Variants in MTDH observed in about 807,000 individuals in gnomAD.
The protein encoded by MTDH is protein LYRIC.
In MTDH, 34 loss-of-function variants were observed where a neutral mutation model predicts 72.7. The ratio of observed to expected loss-of-function variants is 0.47; its 90% CI spans 0.36 to 0.62. The LOEUF (loss-of-function observed/expected upper bound fraction) is 0.62, where lower values mean the gene tolerates loss of function less well. Ranked by LOEUF, MTDH falls within the 20% of genes least tolerant of loss-of-function variation. The pLI is 0.00. For missense variants in MTDH, 677 were observed against 699.4 expected (o/e 0.97, Z 0.36); for synonymous variants, 266 against 268.9 (o/e 0.99, Z 0.10).
chr8:97,644,763 C>G lies in MTDH; in HGVS notation c.257C>G (p.Pro86Arg), dbSNP rs761638291. 1 of 1,561,436 alleles carries G rather than the reference C, an allele frequency of 6.4e-7. No homozygotes were observed. The highest frequency in any genetic ancestry group is 1.2e-5 in the South Asian group (1 of 85,526). The change falls in exon 1 of 12, where the codon CCC (proline) becomes CGC (arginine). Residue 86 changes from proline (P) to arginine (R), a missense_variant. By Grantham distance (103) the Pro-to-Arg change is moderately radical. Transcript: ENST00000336273. ...GCCCGCAAAAAGCGGAGGAGCCCGC[C>G]CCGCAAGCGGGAGGAGGCGGCGGCC... ...AGARKKRRSP[P>R]RKREEAAAVP...
At chr8:97,694,527 T>TCAAA (rs1181049567) in intron 6 of MTDH, among the ~76,000 whole-genome samples, 1 of 152,154 alleles carries the variant, frequency 6.6e-6, no homozygotes, top group Non-Finnish European at 1.5e-5. Flanking sequence ...CCCTCAAAAA[T>TCAAA]CAAACACCAG....
chr8:97,651,438 A>C (rs2130913073), intron 1 of MTDH, among the ~76,000 whole-genome samples: 1 of 152,302 alleles, frequency 6.6e-6, no homozygotes. Flanking sequence ...AAAAGCACCC[A>C]AAAAATGCAA....
chr8:97,660,776 A>G (rs1354924729), intron 1 of MTDH, among the ~76,000 whole-genome samples: 1 of 152,126 alleles, frequency 6.6e-6, no homozygotes, highest in Non-Finnish European at 1.5e-5. Flanking sequence ...AATTGCAAAC[A>G]CAGTTTTGTT....
intron 3 of MTDH, 22 bp downstream of exon 3, chr8:97,686,774 C>G: frequency 1.3e-6 from 2 of 1,535,596 alleles, no homozygotes; most frequent in Non-Finnish European, 1.8e-6. Context: ...AGGGAAAGGA[C>G]TGTAGAAAAT....
chr8:97,648,300 A>G (rs1563517364), intron 1 of MTDH, among the ~76,000 whole-genome samples: 1 of 150,122 alleles, frequency 6.7e-6, no homozygotes, highest in East Asian at 2.0e-4. Flanking sequence ...TTTGGAAATT[A>G]TTATCTTGTA....
chr8:97,677,072 A>C (rs1172717392), intron 2 of MTDH, among the ~76,000 whole-genome samples: 1 of 145,004 alleles, frequency 6.9e-6, no homozygotes, highest in Non-Finnish European at 1.5e-5. Flanking sequence ...AGTCCCAGCT[A>C]CGTGGGAAGC....
intron 2 of MTDH, among the ~76,000 whole-genome samples, chr8:97,677,249 G>T (rs554842151): frequency 7.2e-6 from 1 of 139,412 alleles, no homozygotes; most frequent in African/African-American, 2.7e-5. Flanking sequence ...ATCCCAGCAC[G>T]TTGGGAGGCC....
intron 2 of MTDH, among the ~76,000 whole-genome samples, chr8:97,676,201 A>G (rs1353722500): frequency 6.6e-6 from 1 of 152,144 alleles, no homozygotes; most frequent in Non-Finnish European, 1.5e-5. Flanking sequence ...CTGTCTCCCA[A>G]AGTGCTGGGA....
chr8:97,669,938 A>T (rs1402836619), intron 2 of MTDH, among the ~76,000 whole-genome samples: 1 of 150,464 alleles, frequency 6.6e-6, no homozygotes, highest in East Asian at 2.0e-4. Context: ...AAAAAAAAAA[A>T]CTACTCCCTT....
chr8:97,713,387 A>G (rs112298070), intron 8 of MTDH, among the ~76,000 whole-genome samples: 2 of 152,180 alleles, frequency 1.3e-5, no homozygotes, highest in African/African-American at 4.8e-5. Context: ...GCCCAGCCTC[A>G]GTGAGTTTTT....
At chr8:97,686,340 A>G (rs185185145) in intron 2 of MTDH, among the ~76,000 whole-genome samples, 1 of 152,328 alleles carries the variant, frequency 6.6e-6, no homozygotes, top group African/African-American at 2.4e-5. Context: ...TTAGTTTACT[A>G]ACAATATGAT....
chr8:97,699,930 T>A, intron 7 of MTDH, 78 bp downstream of exon 7: 1 of 882,894 alleles, frequency 1.1e-6, no homozygotes, highest in Non-Finnish European at 1.8e-6. Flanking sequence ...CTTTATGTTT[T>A]AATTTTAATT....
chr8:97,649,203 C>T (rs995522648), intron 1 of MTDH, among the ~76,000 whole-genome samples: 4 of 152,176 alleles, frequency 2.6e-5, no homozygotes, highest in East Asian at 3.8e-4. Context: ...CAGTGTATGA[C>T]TGTATTCTAA....
intron 6 of MTDH, among the ~76,000 whole-genome samples, chr8:97,693,787 C>T (rs914808405): frequency 2.0e-4 from 30 of 152,136 alleles, no homozygotes; most frequent in African/African-American, 7.0e-4. Context: ...GTGATCATTG[C>T]TCACTGCAGC....
intron 1 of MTDH, among the ~76,000 whole-genome samples, chr8:97,657,988 G>T (rs927900208): frequency 2.0e-5 from 3 of 152,174 alleles, no homozygotes; most frequent in African/African-American, 7.2e-5. Context: ...TTCTCGACCA[G>T]CTGTTGGCAA....
chr8:97,655,858 C>G (rs1339861529), intron 1 of MTDH, among the ~76,000 whole-genome samples: 1 of 152,216 alleles, frequency 6.6e-6, no homozygotes, highest in East Asian at 1.9e-4. Flanking sequence ...TTCACATGCT[C>G]TGTCACTTGG....
chr8:97,705,941 A>T (rs985859955), intron 7 of MTDH, among the ~76,000 whole-genome samples: 1 of 152,232 alleles, frequency 6.6e-6, no homozygotes, highest in African/African-American at 2.4e-5. Flanking sequence ...TCCTATAGTG[A>T]AATAAAGGGA....
At chr8:97,719,523 GT>G (rs1248828133) in intron 10 of MTDH, among the ~76,000 whole-genome samples, 3 of 142,944 alleles carry the variant, frequency 2.1e-5, no homozygotes, top group Admixed American at 6.9e-5. Context: ...GAATAATAAA[GT>G]TTTGTTGACT....
chr8:97,691,873 T>A (rs1414722420), intron 6 of MTDH, among the ~76,000 whole-genome samples: 5 of 151,940 alleles, frequency 3.3e-5, no homozygotes, highest in Non-Finnish European at 7.4e-5. Context: ...TTTGTTGTTT[T>A]TTGTTTGTTT....
Sources: gnomAD v4.1 joint callset for allele counts (sites outside exome capture counted in the v4.1 genomes callset) on GRCh38, gnomAD v4.1.1 for gene constraint, MANE v1.5 for transcripts, NCBI Gene and HGNC (gene_info 2026-07-23, HGNC 2026-07-21) for gene names.